The following EGFR variants were observed in gnomAD, a reference collection of about 807,000 sequenced individuals.
EGFR encodes the protein avian erythroblastic leukemia viral (v-erb-b) oncogene homolog.
In EGFR, 58 loss-of-function variants were observed where a neutral mutation model predicts 143.0. That is an observed-to-expected ratio of 0.41 (90% confidence interval 0.33 to 0.50). The LOEUF (loss-of-function observed/expected upper bound fraction) is 0.50. Ranked by LOEUF, EGFR falls within the 20% of genes least tolerant of loss-of-function variation. The pLI is 0.39. For synonymous variants in EGFR, 613 were observed against 594.4 expected (o/e 1.03, Z -0.45); for missense variants, 1,307 against 1,579.0 (o/e 0.83, Z 2.92).
chr7:55,173,061 C>G lies in EGFR; in HGVS notation c.1998C>G (p.Leu666=), dbSNP rs779909747. The change falls in exon 17 of 28, where the codon CTC becomes CTG. Residue 666 remains leucine, a synonymous_variant. Transcript: ENST00000275493. The part of the protein sequence containing the change: ...LLLVVALGIG[L]FMRRRHIVRK... ...TGGTGGTGGCCCTGGGGATCGGCCTCTTCATGCGAAGGCGCCACATCGTTC... is the reference window on the plus strand; with the variant it reads ...TGGTGGTGGCCCTGGGGATCGGCCTGTTCATGCGAAGGCGCCACATCGTTC... 1.9e-5 allele frequency: 31 copies of G among 1,613,628 alleles called. No homozygotes were observed. The highest frequency in any genetic ancestry group is 3.3e-5 in the Admixed American group (2 of 60,008).
chr7:55,117,396 C>G (rs1584082947), intron 1 of EGFR, among the ~76,000 whole-genome samples: 1 of 152,094 alleles, frequency 6.6e-6, no homozygotes, highest in South Asian at 2.1e-4. Context: ...GTGGGGGGGA[C>G]CCACACTCTG....
intron 1 of EGFR, among the ~76,000 whole-genome samples, chr7:55,057,784 C>G (rs960415629): frequency 1.3e-5 from 2 of 152,186 alleles, no homozygotes; most frequent in African/African-American, 4.8e-5. Context: ...CGGTATTGTT[C>G]TCACATTTAA....
intron 1 of EGFR, among the ~76,000 whole-genome samples, chr7:55,027,991 A>AAAATATATAT (rs1554311534): frequency 1.5e-4 from 8 of 54,984 alleles, no homozygotes; most frequent in South Asian, 8.6e-4. Context: ...AAAAAAAAAA[A>AAAATATATAT]ATATATATAT....
chr7:55,090,947 T>C (rs1229392433), intron 1 of EGFR, among the ~76,000 whole-genome samples: 1 of 152,162 alleles, frequency 6.6e-6, no homozygotes, highest in Non-Finnish European at 1.5e-5. Context: ...CTTTTGTATA[T>C]GAGATTGTTA....
intron 20 of EGFR, 125 bp downstream of exon 20, chr7:55,181,603 A>C: frequency 8.9e-7 from 1 of 1,123,466 alleles, no homozygotes; most frequent in South Asian, 1.3e-5. Flanking sequence ...CAGCACACAC[A>C]CATTCCTTTA....
intron 14 of EGFR, among the ~76,000 whole-genome samples, chr7:55,164,799 C>T (rs1360323896): frequency 2.0e-5 from 3 of 152,170 alleles, no homozygotes; most frequent in Non-Finnish European, 4.4e-5. Context: ...TAGAAGGTAG[C>T]GTATGACTCA....
intron 1 of EGFR, 33 bp downstream of exon 1, chr7:55,019,398 C>T (rs1181438863): frequency 5.2e-6 from 7 of 1,347,444 alleles, no homozygotes; most frequent in Non-Finnish European, 6.8e-6. Context: ...CCCGCGCCGC[C>T]CCCGGATCGC....
intron 1 of EGFR, 21 bp downstream of exon 1, chr7:55,019,386 C>T (rs1333922811): frequency 7.2e-7 from 1 of 1,392,112 alleles, no homozygotes; most frequent in Non-Finnish European, 9.5e-7. Flanking sequence ...GTCTCGCCGG[C>T]TCCCGCGCCG....
intron 27 of EGFR, among the ~76,000 whole-genome samples, chr7:55,204,238 ACAC>A (rs572951363): frequency 9.8e-4 from 147 of 150,466 alleles, no homozygotes; most frequent in Middle Eastern, 6.9e-3. Context: ...ACGTACACAC[ACAC>A]CACACACACA....
At chr7:55,128,497 T>C (rs538558786) in intron 1 of EGFR, among the ~76,000 whole-genome samples, 2 of 152,202 alleles carry the variant, frequency 1.3e-5, no homozygotes, top group East Asian at 3.9e-4. Flanking sequence ...AAAGAAAACC[T>C]AAGAGAAAAG....
chr7:55,082,485 A>T (rs1285266831), intron 1 of EGFR, among the ~76,000 whole-genome samples: 2 of 152,202 alleles, frequency 1.3e-5, no homozygotes, highest in African/African-American at 4.8e-5. Flanking sequence ...TCCAAGGCTA[A>T]AAAGGAGATT....
chr7:55,068,073 CGT>C (rs10564333), intron 1 of EGFR, among the ~76,000 whole-genome samples: 72,993 of 149,074 alleles, frequency 0.49, 19,386 homozygotes, highest in East Asian at 0.96. Context: ...CGTGTGCATA[CGT>C]GTGTGTGTGT....
intron 19 of EGFR, among the ~76,000 whole-genome samples, chr7:55,177,676 G>A (rs1786656582): frequency 6.6e-6 from 1 of 152,232 alleles, no homozygotes; most frequent in Non-Finnish European, 1.5e-5. Flanking sequence ...CAAAAGTCAT[G>A]TCAGCAGTTA....
intron 4 of EGFR, among the ~76,000 whole-genome samples, chr7:55,149,796 G>A (rs989947826): frequency 2.6e-5 from 4 of 152,150 alleles, no homozygotes; most frequent in African/African-American, 9.7e-5. Context: ...CTAAAAATAA[G>A]AGATTGGTTG....
intron 23 of EGFR, among the ~76,000 whole-genome samples, chr7:55,199,090 A>C: frequency 6.6e-6 from 1 of 152,232 alleles, no homozygotes; most frequent in East Asian, 1.9e-4. Context: ...CAAGCAAATA[A>C]ATAAAACTAA....
At chr7:55,099,923 CAG>C (rs1242782425) in intron 1 of EGFR, among the ~76,000 whole-genome samples, 1 of 152,044 alleles carries the variant, frequency 6.6e-6, no homozygotes, top group Non-Finnish European at 1.5e-5. Flanking sequence ...AAATCTGAGA[CAG>C]AACCGATGCA....
At chr7:55,021,967 G>A (rs896090004) in intron 1 of EGFR, among the ~76,000 whole-genome samples, 3 of 152,164 alleles carry the variant, frequency 2.0e-5, no homozygotes, top group Non-Finnish European at 4.4e-5. Flanking sequence ...CCGAGTTCTG[G>A]TTTCAGGAGA....
At chr7:55,184,238 T>C (rs1787030652) in intron 20 of EGFR, among the ~76,000 whole-genome samples, 1 of 152,206 alleles carries the variant, frequency 6.6e-6, no homozygotes, top group Non-Finnish European at 1.5e-5. Context: ...CTGAGTGTTC[T>C]TTTCCTCCTT....
intron 4 of EGFR, among the ~76,000 whole-genome samples, chr7:55,148,352 T>A (rs1046600101): frequency 1.3e-5 from 2 of 151,986 alleles, no homozygotes; most frequent in Non-Finnish European, 2.9e-5. Context: ...CAATGGCAGG[T>A]CTCCATGTTC....
Sources: allele counts gnomAD v4.1 joint callset (sites outside exome capture counted in the v4.1 genomes callset), GRCh38; gene constraint gnomAD v4.1.1; transcripts MANE v1.5; gene names NCBI Gene and HGNC (gene_info 2026-07-23, HGNC 2026-07-21).